The following WIPI2 variants were observed in gnomAD, a reference collection of about 807,000 sequenced individuals.
The protein encoded by WIPI2 is WD repeat domain, phosphoinositide interacting 2.
A neutral mutation model predicts 52.3 loss-of-function variants in WIPI2; 28 were observed. That is an observed-to-expected ratio of 0.54 (90% CI 0.40 to 0.73). The LOEUF (loss-of-function observed/expected upper bound fraction) is 0.73. Among genes scored for constraint, WIPI2 ranks in the 30% least tolerant of loss-of-function variants. The pLI is 0.00. For synonymous variants in WIPI2, 268 were observed against 245.0 expected (o/e 1.09, Z -0.88); for missense variants, 506 against 602.9 (o/e 0.84, Z 1.68).
rs887930242 is a variant in WIPI2 at position 5,229,847 on chromosome 7, G to C, written c.1252+109G>C. 16 of 1,491,322 alleles carry C rather than the reference G, an allele frequency of 1.1e-5. No homozygotes were observed. In the African/African-American group the frequency reaches 2.2e-4, roughly 21 times the overall value. 92.4% of individuals were successfully genotyped at this position (1,491,322 alleles called of 1,614,324 possible). On this transcript the variant is annotated intron_variant, in intron 12 of 12. Coordinates refer to ENST00000288828, the MANE Select transcript of WIPI2 (RefSeq NM_015610.4). ...CACCAGCTCCTCACTGGGAAAGATGGGGACTGGTTCTGAGAACATAAGCGA... is the reference window on the plus strand; with the variant it reads ...CACCAGCTCCTCACTGGGAAAGATGCGGACTGGTTCTGAGAACATAAGCGA...
intron 3 of WIPI2, chr7:5,213,009 G>A (rs1421147254): frequency 6.6e-6 from 1 of 152,290 alleles, no homozygotes; most frequent in Non-Finnish European, 1.5e-5. Flanking sequence ...CCTCGTGTCT[G>A]AGTGGTGCTG....
chr7:5,194,879 G>A (rs1430797331), intron 2 of WIPI2, among the ~76,000 whole-genome samples: 1 of 152,206 alleles, frequency 6.6e-6, no homozygotes, highest in Admixed American at 6.5e-5. Context: ...CAAATTGCTA[G>A]TGAAGAAAGC....
At chr7:5,197,856 T>C (rs1201830687) in intron 2 of WIPI2, among the ~76,000 whole-genome samples, 1 of 152,224 alleles carries the variant, frequency 6.6e-6, no homozygotes, top group African/African-American at 2.4e-5. Flanking sequence ...GGTATCTGAT[T>C]CCTCTGTACC....
chr7:5,217,395 C>T, intron 6 of WIPI2: 1 of 568,592 alleles, frequency 1.8e-6, no homozygotes. Context: ...GCCTCAACCT[C>T]CTGGGCTCAA....
At chr7:5,205,882 G>GT (rs11300150) in intron 3 of WIPI2, among the ~76,000 whole-genome samples, 76 of 145,046 alleles carry the variant, frequency 5.2e-4, no homozygotes, top group African/African-American at 6.9e-4. Context: ...TGCTGCCACT[G>GT]TTTTTTTTTT....
chr7:5,223,240 C>G (rs1285774829), intron 8 of WIPI2, among the ~76,000 whole-genome samples: 1 of 152,214 alleles, frequency 6.6e-6, no homozygotes, highest in Non-Finnish European at 1.5e-5. Context: ...GCCTCGGGCT[C>G]TGGAGCCCGT....
chr7:5,217,057 G>A (rs372926475), intron 5 of WIPI2, 33 bp from the exon 6 acceptor site: 1 of 1,590,240 alleles, frequency 6.3e-7, no homozygotes, highest in South Asian at 1.1e-5. Context: ...TCAGGTGGAA[G>A]TTTGCATCTC....
intron 3 of WIPI2, among the ~76,000 whole-genome samples, chr7:5,204,145 G>C (rs1406403361): frequency 6.6e-6 from 1 of 152,202 alleles, no homozygotes; most frequent in East Asian, 1.9e-4. Context: ...TTCTGGGTAT[G>C]CGGGTTCCAT....
At chr7:5,193,433 T>G (rs900171962) in intron 2 of WIPI2, 3 of 1,021,582 alleles carry the variant, frequency 2.9e-6, no homozygotes, top group Non-Finnish European at 4.0e-6. Context: ...GTCTTGTGTT[T>G]GTAGAATTGA....
chr7:5,192,796 A>G (rs1781543660), intron 1 of WIPI2, among the ~76,000 whole-genome samples: 1 of 152,206 alleles, frequency 6.6e-6, no homozygotes, highest in South Asian at 2.1e-4. Context: ...TCCCTTCTTA[A>G]TCTCCAGAAT....
chr7:5,205,679 A>T (rs925928664), intron 3 of WIPI2, among the ~76,000 whole-genome samples: 3 of 150,594 alleles, frequency 2.0e-5, no homozygotes, highest in Non-Finnish European at 4.4e-5. Flanking sequence ...TAATTTTTCT[A>T]TTTTTTTTAG....
chr7:5,205,313 C>T (rs1782242332), intron 3 of WIPI2, among the ~76,000 whole-genome samples: 2 of 152,154 alleles, frequency 1.3e-5, no homozygotes, highest in African/African-American at 4.8e-5. Context: ...AAAATATGTT[C>T]ACTCCAGAGT....
chr7:5,197,118 C>CAAAAAAAAAAAAAA (rs869261081), intron 2 of WIPI2, among the ~76,000 whole-genome samples: 1 of 41,450 alleles, frequency 2.4e-5, no homozygotes, highest in Non-Finnish European at 4.8e-5. Context: ...TCTCAAAAAA[C>CAAAAAAAAAAAAAA]AAAAAAAAAA....
chr7:5,198,126 A>T (rs770665067), intron 2 of WIPI2, among the ~76,000 whole-genome samples: 1 of 152,126 alleles, frequency 6.6e-6, no homozygotes, highest in African/African-American at 2.4e-5. Flanking sequence ...TTGTAAGCCA[A>T]CGACGGGGCC....
chr7:5,190,293 G>C lies in WIPI2; in HGVS notation c.-127G>C, dbSNP rs1295939578. 2.0e-6 allele frequency: 1 copy of C among 502,460 alleles called. No homozygotes were observed. Among genetic ancestry groups the C allele is most frequent in the Admixed American group, 5.0e-5 (1 of 20,194 alleles). 31.1% of individuals were successfully genotyped at this position (502,460 alleles called of 1,614,324 possible). A position where few individuals can be genotyped will look rare whatever the true frequency, so the allele number is the denominator to read the frequency against. On this transcript the variant is annotated 5_prime_UTR_variant, in exon 1 of 13. Coordinates refer to ENST00000288828, the MANE Select transcript of WIPI2 (RefSeq NM_015610.4). ...GCGGGGACGGGATGAGGCGGCGGTT[G>C]ATCCCAGGGTGGCGAGTGGCGGCGA...
At chr7:5,192,498 C>G (rs1781531170) in intron 1 of WIPI2, among the ~76,000 whole-genome samples, 1 of 152,194 alleles carries the variant, frequency 6.6e-6, no homozygotes, top group African/African-American at 2.4e-5. Context: ...AAGAGTGTCA[C>G]TCTGGCCTGA....
chr7:5,211,303 C>G (rs555564667), intron 3 of WIPI2, among the ~76,000 whole-genome samples: 1 of 152,250 alleles, frequency 6.6e-6, no homozygotes, highest in Non-Finnish European at 1.5e-5. Context: ...GAAACCCTGT[C>G]TCTACTAAAA....
At chr7:5,211,914 G>A (rs942153541) in intron 3 of WIPI2, among the ~76,000 whole-genome samples, 6 of 152,152 alleles carry the variant, frequency 3.9e-5, no homozygotes, top group Non-Finnish European at 7.3e-5. Flanking sequence ...CCGCACACAC[G>A]CCCAGTACAT....
chr7:5,209,013 ATTTTTTTT>A (rs55697377), intron 3 of WIPI2, among the ~76,000 whole-genome samples: 1 of 92,904 alleles, frequency 1.1e-5, no homozygotes, highest in Admixed American at 1.2e-4. Context: ...ATATTCTGTG[ATTTTTTTT>A]TTTTTTTTTT....
Sources: allele counts gnomAD v4.1 joint callset (sites outside exome capture counted in the v4.1 genomes callset), GRCh38; gene constraint gnomAD v4.1.1; transcripts MANE v1.5; gene names NCBI Gene and HGNC (gene_info 2026-07-23, HGNC 2026-07-21).